The following IQCH variants were observed in gnomAD, a reference collection of about 807,000 sequenced individuals.
IQCH encodes the protein IQ domain-containing protein H.
A neutral mutation model predicts 117.0 loss-of-function variants in IQCH; 98 were observed. The observed-to-expected ratio is 0.84, with a 90% CI of 0.71 to 0.99. IQCH has a LOEUF of 0.99. IQCH is among the 50% of genes least tolerant of loss of function. The pLI is 0.00. For synonymous variants in IQCH, 412 were observed against 448.2 expected, an observed-to-expected ratio of 0.92 and a Z score of 1.02; for missense variants, 1,102 against 1,243.8, an observed-to-expected ratio of 0.89 and a Z score of 1.72.
rs147901516 is a variant in IQCH at position 67,268,982 on chromosome 15, A to G, written c.269+5766A>G. ...GAAAAACATTTGCAACAGATATGAC[A>G]CAAAAATTGCTAAGATTCTTAAATA... On this transcript the variant is annotated intron_variant, in intron 3 of 20. Coordinates refer to ENST00000335894, the MANE Select transcript of IQCH (RefSeq NM_001031715.3). 6.8e-4 allele frequency among the ~76,000 whole-genome samples: 103 copies of G among 152,194 alleles called. 4 individuals are homozygous for G. The East Asian group carries it at 0.012, about 18-fold the overall frequency.
At chr15:67,272,557 T>C (rs1197238355) in intron 3 of IQCH, among the ~76,000 whole-genome samples, 1 of 152,220 alleles carries the variant, frequency 6.6e-6, no homozygotes, top group Non-Finnish European at 1.5e-5. Context: ...TTGCAATCTA[T>C]CTCTCTCTTT....
At chr15:67,289,802 GA>G (rs1442016250) in intron 4 of IQCH, among the ~76,000 whole-genome samples, 3 of 152,120 alleles carry the variant, frequency 2.0e-5, no homozygotes, top group Non-Finnish European at 2.9e-5. Flanking sequence ...TGAAAATGAT[GA>G]GTAATGTAGT....
chr15:67,484,543 G>A (rs866468731), intron 18 of IQCH, among the ~76,000 whole-genome samples: 4 of 147,038 alleles, frequency 2.7e-5, no homozygotes, highest in Non-Finnish European at 4.5e-5. Flanking sequence ...AGCCTGGTTA[G>A]CATGGTGAAA....
chr15:67,427,855 A>G lies in IQCH; in HGVS notation c.2505+6278A>G, dbSNP rs140000951. 4.1e-3 allele frequency among the ~76,000 whole-genome samples: 613 copies of G among 149,630 alleles called. 1 individual carries two copies. The highest frequency in any genetic ancestry group is 0.014 in the African/African-American group (586 of 40,678). ...TTTTTTTTTTTTTTTTTGAAGCAGA[A>G]TCTCCCTGTGTTGCCCAGGCTGGAG... On this transcript the variant is annotated intron_variant, in intron 16 of 20. Transcript: ENST00000335894. This position sits in a 1 kb window ranked among gnomAD's most constrained non-coding sequence, Gnocchi z 4.7.
At chr15:67,285,963 T>G (rs897759562) in intron 4 of IQCH, among the ~76,000 whole-genome samples, 7 of 152,220 alleles carry the variant, frequency 4.6e-5, no homozygotes, top group African/African-American at 1.7e-4. Context: ...TTTTTTCTAA[T>G]TTTATGAAGA....
chr15:67,412,320 G>A (rs1334626922), intron 14 of IQCH, among the ~76,000 whole-genome samples: 1 of 152,094 alleles, frequency 6.6e-6, no homozygotes, highest in African/African-American at 2.4e-5. Flanking sequence ...CACTGATGTG[G>A]TCGCCCATCG....
In IQCH at chr15:67,342,845, C is replaced by T. The variant is rs746682203; in HGVS notation, c.509-1218C>T. The stretch of plus-strand genomic sequence containing the variant: ...AATTCTAGTGGTTCTCTAACTTCAG[C>T]GCACATGAATATCTCCTGGAGCCTT... On this transcript the variant is annotated intron_variant, in intron 5 of 20. Coordinates refer to ENST00000335894, the MANE Select transcript of IQCH (RefSeq NM_001031715.3). This position sits in a 1 kb window ranked among gnomAD's most constrained non-coding sequence, Gnocchi z 4.7. Among the ~76,000 whole-genome samples, 17 of 152,090 alleles carry T rather than the reference C, an allele frequency of 1.1e-4. No individual in the cohort carries two copies. Among genetic ancestry groups the T allele is most frequent in the Non-Finnish European group, 1.5e-4 (10 of 68,022 alleles).
At chr15:67,317,530 C>G (rs749528226) in intron 4 of IQCH, among the ~76,000 whole-genome samples, 4 of 152,080 alleles carry the variant, frequency 2.6e-5, no homozygotes, top group African/African-American at 9.7e-5. Flanking sequence ...ATGATAATGT[C>G]TATCCAGCTC....
At position 67,432,773 on chromosome 15, in the gene IQCH, A is replaced by G. The variant is rs1054772743; in HGVS notation, c.2505+11196A>G. On this transcript the variant is annotated intron_variant, in intron 16 of 20. Transcript: ENST00000335894. This position sits in a 1 kb window ranked among gnomAD's most constrained non-coding sequence, Gnocchi z 5.0. ...AACCAAAGTCTACAGAAATATCATA[A>G]TTCCTTCTTGTTCACTGCTGTATAC... Among the ~76,000 whole-genome samples the G allele has an allele frequency of 6.6e-6, 1 of 152,184 alleles. No individual in the cohort carries two copies. The highest frequency in any genetic ancestry group is 2.4e-5 in the African/African-American group (1 of 41,428).
rs2083622909 is a variant in IQCH, at chr15:67,490,582, G to C, written c.2861+518G>C. On this transcript the variant is annotated intron_variant, in intron 19 of 20. Coordinates refer to ENST00000335894, the MANE Select transcript of IQCH (RefSeq NM_001031715.3). This position sits in a 1 kb window ranked among gnomAD's most constrained non-coding sequence, Gnocchi z 4.9. ...TTGATTAATTACCTAAAATTAATGG[G>C]TAAGATTTAGATTTAACAACATATT... Among the ~76,000 whole-genome samples the C allele has an allele frequency of 6.6e-6, 1 of 152,130 alleles. No individual in the cohort carries two copies. The highest frequency in any genetic ancestry group is 2.4e-5 in the African/African-American group (1 of 41,424).
At chr15:67,399,076 T>C (rs945349378) in intron 13 of IQCH, among the ~76,000 whole-genome samples, 5 of 152,194 alleles carry the variant, frequency 3.3e-5, no homozygotes, top group African/African-American at 1.2e-4. Context: ...GCTCCTCTTC[T>C]GACTTCTTTC....
rs974734099 is a variant in IQCH at position 67,473,139 on chromosome 15, G to A, written c.2677-2557G>A. ...AAGTTTAGAAGACAAAAATAACCTT[G>A]GAATTATCTTGTGAATTCATGGCAA... On this transcript the variant is annotated intron_variant, in intron 17 of 20. Transcript: ENST00000335894. This position sits in a 1 kb window ranked among gnomAD's most constrained non-coding sequence, Gnocchi z 4.9. Among the ~76,000 whole-genome samples, 1 of 152,190 alleles carries A rather than the reference G, an allele frequency of 6.6e-6. No individual in the cohort carries two copies. Among genetic ancestry groups the A allele is most frequent in the African/African-American group, 2.4e-5 (1 of 41,454 alleles).
At position 67,456,734 on chromosome 15, in the gene IQCH, A is replaced by C. The variant is rs1024405874; in HGVS notation, c.2506-8393A>C. The stretch of plus-strand genomic sequence containing the variant: ...TCATATTTGGGAGCCAGGAACTCCC[A>C]AATATGGATTTTGGATTTTTTTCAG... On this transcript the variant is annotated intron_variant, in intron 16 of 20. Transcript: ENST00000335894. The surrounding 1 kb of genome is among the most constrained non-coding windows in gnomAD (Gnocchi z 5.1). Among the ~76,000 whole-genome samples the C allele has an allele frequency of 6.6e-6, 1 of 152,112 alleles. No homozygotes were observed. The highest frequency in any genetic ancestry group is 1.5e-5 in the Non-Finnish European group (1 of 68,010).
intron 16 of IQCH, among the ~76,000 whole-genome samples, chr15:67,434,310 A>G (rs1665830431): frequency 6.6e-6 from 1 of 152,144 alleles, no homozygotes; most frequent in Admixed American, 6.6e-5. Flanking sequence ...TGGATTCCAC[A>G]TGTAAGTGAG....
At chr15:67,343,115 G>A (rs1969242526) in intron 5 of IQCH, among the ~76,000 whole-genome samples, 1 of 152,112 alleles carries the variant, frequency 6.6e-6, no homozygotes, top group Admixed American at 6.6e-5. Flanking sequence ...ATAGTATAGA[G>A]GTCATAAGGT....
intron 16 of IQCH, among the ~76,000 whole-genome samples, chr15:67,455,853 G>C (rs956133538): frequency 6.6e-6 from 1 of 152,196 alleles, no homozygotes; most frequent in Non-Finnish European, 1.5e-5. Context: ...AATTGCCGTG[G>C]AAGGCGCATA....
intron 6 of IQCH, among the ~76,000 whole-genome samples, chr15:67,350,366 G>A (rs1191168736): frequency 1.3e-5 from 2 of 152,164 alleles, no homozygotes; most frequent in African/African-American, 4.8e-5. Flanking sequence ...GATGGGGAGA[G>A]TAGTTGACTG....
chr15:67,349,882 AG>A (rs1218772548), intron 6 of IQCH, among the ~76,000 whole-genome samples: 2 of 152,198 alleles, frequency 1.3e-5, no homozygotes, highest in Non-Finnish European at 2.9e-5. Context: ...CCACTACATG[AG>A]GATATGGAAC....
At chr15:67,402,985 T>C (rs576090756) in intron 14 of IQCH, among the ~76,000 whole-genome samples, 3 of 152,292 alleles carry the variant, frequency 2.0e-5, no homozygotes, top group South Asian at 4.1e-4. Flanking sequence ...TGGTGGCTCA[T>C]GCCTGTAATC....
Sources: gnomAD v4.1 joint callset for allele counts (sites outside exome capture counted in the v4.1 genomes callset) on GRCh38, gnomAD v4.1.1 for gene constraint, Gnocchi (gnomAD v3.1) non-coding constraint, MANE v1.5 for transcripts, NCBI Gene and HGNC (gene_info 2026-07-23, HGNC 2026-07-21) for gene names.